TKFC: variants seen among roughly 807,000 people sequenced by gnomAD.
TKFC encodes the protein triokinase/FMN cyclase.
TKFC carries 46 observed loss-of-function variants against 61.0 expected under a neutral mutation model. That is an observed-to-expected ratio of 0.75 (90% CI 0.60 to 0.96). The LOEUF (loss-of-function observed/expected upper bound fraction) is 0.96. TKFC is among the 50% of genes least tolerant of loss of function. The pLI is 0.00. For missense variants in TKFC, 715 were observed against 777.5 expected (o/e 0.92, Z 0.96); for synonymous variants, 314 against 330.1 (o/e 0.95, Z 0.53).
chr11:61,336,087 C>T (rs1856596757), intron 2 of TKFC: 1 of 153,532 alleles, frequency 6.5e-6, no homozygotes, highest in Non-Finnish European at 1.5e-5. Context: ...AGCTACCACA[C>T]CCGGCCTGTT....
At chr11:61,343,661 C>T in intron 11 of TKFC, 195 bp from the exon 12 acceptor site, 1 of 935,312 alleles carries the variant, frequency 1.1e-6, no homozygotes, top group African/African-American at 1.6e-5. Flanking sequence ...TCAGAGAGGC[C>T]TGACCCTTTC....
At chr11:61,345,786 G>C (rs770478065) in intron 16 of TKFC, 41 bp downstream of exon 16, 7 of 1,614,062 alleles carry the variant, frequency 4.3e-6, no homozygotes, top group Middle Eastern at 1.6e-4. Flanking sequence ...TCTCCTTTTG[G>C]CCCTGTAAGT....
Position 61,345,631 on chromosome 11 carries a change from C to T in TKFC, c.1451+66C>T. ...GGGAGGTGTTTGGTGACATCTGCGC[C>T]CTGCCAGGCCCTAGCCCAACCCTCA... On this transcript the variant is annotated intron_variant, in intron 15 of 17. Coordinates refer to ENST00000394900, the MANE Select transcript of TKFC (RefSeq NM_015533.4). 1.9e-6 allele frequency: 3 copies of T among 1,612,980 alleles called. No homozygotes were observed. The South Asian group carries it at 3.3e-5, about 18-fold the overall frequency.
chr11:61,345,464 C>G lies in TKFC; in HGVS notation c.1350C>G (p.Leu450=). 6.2e-7 allele frequency: 1 copy of G among 1,613,262 alleles called. No homozygotes were observed. Among genetic ancestry groups the G allele is most frequent in the East Asian group, 2.2e-5 (1 of 44,868 alleles). ...LEKMGGSSGA[L]YGLFLTAAAQ... ...CTCAGCGTTGTCATCTTCCCCAGCT[C>G]TATGGCCTGTTCCTGACTGCGGCTG... is the stretch of plus-strand genomic sequence containing the variant. The change falls in exon 15 of 18, where the codon CTC becomes CTG. Residue 450 remains leucine (L), a splice_region_variant and synonymous_variant. Transcript: ENST00000394900.
chr11:61,350,201 C>G (rs1857330647), downstream of TKFC: 8 of 678,776 alleles, frequency 1.2e-5, no homozygotes, highest in Admixed American at 1.7e-4. Flanking sequence ...GGCCCAGCAC[C>G]CAGGCAAAGC....
chr11:61,353,327 T>A, downstream of TKFC: 1 of 729,100 alleles, frequency 1.4e-6, no homozygotes, highest in Non-Finnish European at 2.2e-6. Flanking sequence ...ACAAGAACAG[T>A]AAATGACATG....
chr11:61,334,586 CT>C, intron 1 of TKFC, 33 bp from the exon 2 acceptor site: 2 of 1,090,288 alleles, frequency 1.8e-6, no homozygotes, highest in Admixed American at 2.0e-5. Flanking sequence ...CTGCGAGTTC[CT>C]TCCGCAGCTT....
chr11:61,347,842 G>A lies in TKFC; in HGVS notation c.*1339G>A. On this transcript the variant is annotated 3_prime_UTR_variant, in exon 18 of 18. Transcript: ENST00000394900. ...CATGGGGACATGAAAGGATTCAAAT[G>A]AATTGATGAAGATGGGCCATAAAGC... The A allele has an allele frequency of 2.0e-6, 2 of 980,546 alleles. No homozygotes were observed. Among genetic ancestry groups the A allele is most frequent in the Non-Finnish European group, 2.4e-6 (2 of 825,516 alleles). 60.7% of individuals were successfully genotyped at this position (980,546 alleles called of 1,614,324 possible).
intron 3 of TKFC, among the ~76,000 whole-genome samples, chr11:61,338,706 T>A (rs748564823): frequency 1.3e-5 from 2 of 152,144 alleles, no homozygotes; most frequent in African/African-American, 2.4e-5. Context: ...ACAGGCAAGG[T>A]CCCTGCCCTC....
In TKFC at chr11:61,334,392, A is replaced by T. The variant is rs931040585; in HGVS notation, c.-109-228A>T. 5 of 291,932 alleles carry T rather than the reference A, an allele frequency of 1.7e-5. 1 individual carries two copies. In the Admixed American group the frequency reaches 2.2e-4, roughly 13 times the overall value. The allele number at this position is 291,932 out of a possible 1,614,324, so 18.1% of individuals were successfully genotyped here. A position where few individuals can be genotyped will look rare whatever the true frequency, so the allele number is the denominator to read the frequency against. ...GATGAAGTGGGTGCTGTTCCTGGACATAAAGGCAGACCTGTGCTTGACATG... is the reference window on the plus strand; with the variant it reads ...GATGAAGTGGGTGCTGTTCCTGGACTTAAAGGCAGACCTGTGCTTGACATG... On this transcript the variant is annotated intron_variant, in intron 1 of 17. Transcript: ENST00000394900.
chr11:61,341,201 C>T (rs898796996), intron 5 of TKFC, among the ~76,000 whole-genome samples: 1 of 152,112 alleles, frequency 6.6e-6, no homozygotes, highest in African/African-American at 2.4e-5. Flanking sequence ...GGTCCATTTC[C>T]CCATTTGTAA....
chr11:61,351,818 T>C (rs1174166692), downstream of TKFC: 1 of 152,150 alleles, frequency 6.6e-6, no homozygotes, highest in Non-Finnish European at 1.5e-5. Context: ...GGAGGCTACA[T>C]TGGGAAGATC....
chr11:61,337,447 G>A (rs142852800), intron 2 of TKFC, among the ~76,000 whole-genome samples: 2 of 152,286 alleles, frequency 1.3e-5, no homozygotes, highest in East Asian at 1.9e-4. Context: ...CACCTGAGCT[G>A]TTATCTCTAC....
intron 2 of TKFC, among the ~76,000 whole-genome samples, chr11:61,337,353 C>T (rs949294764): frequency 6.6e-6 from 1 of 152,140 alleles, no homozygotes; most frequent in African/African-American, 2.4e-5. Context: ...ATCATGTTGC[C>T]CAGGCCGGTC....
chr11:61,338,113 A>G lies in TKFC; in HGVS notation c.176A>G (p.His59Arg). 6.2e-7 allele frequency: 1 copy of G among 1,600,596 alleles called. No homozygotes were observed. The highest frequency in any genetic ancestry group is 8.5e-7 in the Non-Finnish European group (1 of 1,176,850). Reference sequence around the variant, plus strand: ...CTGCTGTCGGGTGGGGGCTCTGGCCATGAGCCTGCCCATGCTGGTGAGTAT... The same window carrying G: ...CTGCTGTCGGGTGGGGGCTCTGGCCGTGAGCCTGCCCATGCTGGTGAGTAT... ...VALLSGGGSG[H>R]EPAHAGFIGK... The change falls in exon 3 of 18, where the codon CAT becomes CGT. Residue 59 changes from histidine to arginine, a missense_variant. By Grantham distance (29) the His-to-Arg change is conservative (BLOSUM62 0). Transcript: ENST00000394900.
chr11:61,339,009 A>G, intron 3 of TKFC, 57 bp from the exon 4 acceptor site: 1 of 1,486,130 alleles, frequency 6.7e-7, no homozygotes, highest in Non-Finnish European at 9.3e-7. Context: ...GGGAAGCCCC[A>G]GTGACTACAG....
chr11:61,346,592 C>G lies in TKFC; in HGVS notation c.*89C>G, dbSNP rs1422144294. 15 of 1,503,554 alleles carry G rather than the reference C, an allele frequency of 1.0e-5. No homozygotes were observed. Among genetic ancestry groups the G allele is most frequent in the Non-Finnish European group, 1.3e-5 (15 of 1,131,124 alleles). 93.1% of individuals were successfully genotyped at this position (1,503,554 alleles called of 1,614,324 possible). On this transcript the variant is annotated 3_prime_UTR_variant, in exon 18 of 18. Coordinates refer to ENST00000394900, the MANE Select transcript of TKFC (RefSeq NM_015533.4). This position sits in a 1 kb window ranked among gnomAD's most constrained non-coding sequence, Gnocchi z 4.1. ...CTTCCTTCTGCCTTCCAACCCTCACCTTCCCCCGGCCTGGCCCCATTGGCC... is the reference window on the plus strand; with the variant it reads ...CTTCCTTCTGCCTTCCAACCCTCACGTTCCCCCGGCCTGGCCCCATTGGCC...
rs1218210305 is a variant in TKFC at position 61,342,843 on chromosome 11, G to C, written c.864G>C (p.Leu288=). Residue 288 remains leucine (L), a splice_region_variant and synonymous_variant, in exon 10 of 18, where the codon CTG becomes CTC. Transcript: ENST00000394900. ...GIIADATVRS[L]EGRGVKIARA... ...TAGCCGACGCTACCGTCCGCTCCCT[G>C]GGTGAGCCATGCACTGGGAAGGGGA... 1.2e-6 allele frequency: 2 copies of C among 1,613,954 alleles called. No homozygotes were observed. The highest frequency in any genetic ancestry group is 1.7e-6 in the Non-Finnish European group (2 of 1,180,000).
At chr11:61,351,449 C>G (rs2135103084), downstream of TKFC, 1 of 202,120 alleles carries the variant, frequency 4.9e-6, no homozygotes, top group East Asian at 1.3e-4. Context: ...GCCACCACGC[C>G]TGGCTAATTT....
Sources: gnomAD v4.1 joint callset for allele counts (sites outside exome capture counted in the v4.1 genomes callset) on GRCh38, gnomAD v4.1.1 for gene constraint, Gnocchi (gnomAD v3.1) non-coding constraint, MANE v1.5 for transcripts, NCBI Gene and HGNC (gene_info 2026-07-23, HGNC 2026-07-21) for gene names.